Variants in AKNA observed in about 807,000 individuals in gnomAD.
The protein encoded by AKNA is AT-hook transcription factor, also known as microtubule organization protein AKNA.
AKNA carries 67 observed loss-of-function variants against 138.8 expected under a neutral mutation model. The observed-to-expected ratio is 0.48, with a 90% CI of 0.40 to 0.59. AKNA has a LOEUF of 0.59. Among genes scored for constraint, AKNA ranks in the 20% least tolerant of loss-of-function variants. The pLI, the probability that AKNA is intolerant of heterozygous loss-of-function variation, is 0.00. For synonymous variants in AKNA, 737 were observed against 754.4 expected, an observed-to-expected ratio of 0.98 and a Z score of 0.38; for missense variants, 1,813 against 1,880.4, an observed-to-expected ratio of 0.96 and a Z score of 0.66.
Position 114,381,137 on chromosome 9 carries a change from A to G in AKNA, c.197T>C (p.Leu66Pro). ...GTGTGGGTCCCACTCCAGGGGCGGC[A>G]GGTGCTGCTGGGCCAGGCGGAAGTC... ...LEDFRLAQQH[L>P]PPLEWDPHPQ... Residue 66 changes from leucine (L) to proline (P), a missense_variant, in exon 2 of 22, where the codon CTG becomes CCG. Physicochemically the swap from Leu to Pro is moderately conservative, Grantham distance 98. Coordinates refer to ENST00000374088, the MANE Select transcript of AKNA (RefSeq NM_001317950.2). 2 of 1,613,198 alleles carry G rather than the reference A, an allele frequency of 1.2e-6. No homozygotes were observed. Among genetic ancestry groups the G allele is most frequent in the Non-Finnish European group, 1.7e-6 (2 of 1,179,810 alleles).
At chr9:114,383,169 G>T (rs1486795493) in intron 1 of AKNA, 2 of 455,940 alleles carry the variant, frequency 4.4e-6, no homozygotes, top group Non-Finnish European at 8.8e-6. Flanking sequence ...GCTGCTCTGG[G>T]AGAATGAACC....
chr9:114,336,813 G>T lies in AKNA; in HGVS notation c.*241C>A. 1 of 438,016 alleles carries T rather than the reference G, an allele frequency of 2.3e-6. No individual in the cohort carries two copies. Among genetic ancestry groups the T allele is most frequent in the South Asian group, 8.0e-5 (1 of 12,424 alleles). The allele number at this position is 438,016 out of a possible 1,614,324, so 27.1% of individuals were successfully genotyped here. The stretch of plus-strand genomic sequence containing the variant: ...TTCTGCCTGGACCGAAGGAGGCCTC[G>T]CTCACAGCACCTCTGTGAGGGGACT... On this transcript the variant is annotated 3_prime_UTR_variant, in exon 22 of 22. Coordinates refer to ENST00000374088, the MANE Select transcript of AKNA (RefSeq NM_001317950.2).
At chr9:114,382,887 GT>G (rs1332590392) in intron 1 of AKNA, among the ~76,000 whole-genome samples, 3 of 152,132 alleles carry the variant, frequency 2.0e-5, no homozygotes, top group Non-Finnish European at 4.4e-5. Context: ...TGATGAAAAT[GT>G]TTTGCAACTA....
rs563111056 is a variant in AKNA, at chr9:114,336,776, G to C, written c.*278C>G. On this transcript the variant is annotated 3_prime_UTR_variant, in exon 22 of 22. Transcript: ENST00000374088. ...GTTGCACACATGCAGGACCAGGAGA[G>C]ACTGCCTGAGGTTCTGCCTGGACCG... 1 of 401,154 alleles carries C rather than the reference G, an allele frequency of 2.5e-6. No homozygotes were observed. The highest frequency in any genetic ancestry group is 3.6e-5 in the East Asian group (1 of 27,816). The allele number at this position is 401,154 out of a possible 1,614,324, so 24.8% of individuals were successfully genotyped here. A position where few individuals can be genotyped will look rare whatever the true frequency, so the allele number is the denominator to read the frequency against.
intron 1 of AKNA, among the ~76,000 whole-genome samples, chr9:114,382,293 T>A (rs888735316): frequency 3.9e-5 from 6 of 151,948 alleles, no homozygotes; most frequent in Non-Finnish European, 8.8e-5. Flanking sequence ...GGGAGGATGA[T>A]GAAAAAAGCA....
At chr9:114,344,818 T>C (rs1830573950) in intron 18 of AKNA, 1 of 158,316 alleles carries the variant, frequency 6.3e-6, no homozygotes, top group Non-Finnish European at 1.4e-5. Flanking sequence ...AGAGAGATTG[T>C]CCGGTGAGCT....
chr9:114,396,407 G>A (rs766856335), upstream of AKNA, among the ~76,000 whole-genome samples: 2 of 152,116 alleles, frequency 1.3e-5, no homozygotes, highest in African/African-American at 2.4e-5. Flanking sequence ...GTAGATGGGC[G>A]CGGTGGCTCA....
At chr9:114,381,585 T>TCCTGTCAGCATC in intron 1 of AKNA, 139 bp from the exon 2 acceptor site, 1 of 752,974 alleles carries the variant, frequency 1.3e-6, no homozygotes, top group Non-Finnish European at 1.8e-6. Context: ...TGTGTCACCT[T>TCCTGTCAGCATC]GGGCAAGTCA....
At position 114,356,876 on chromosome 9, in the gene AKNA, G is replaced by A; in HGVS notation, c.2833C>T (p.Leu945Phe). 2 of 1,553,716 alleles carry A rather than the reference G, an allele frequency of 1.3e-6. No homozygotes were observed. Among genetic ancestry groups the A allele is most frequent in the Non-Finnish European group, 8.6e-7 (1 of 1,157,798 alleles). Residue 945 changes from leucine (L) to phenylalanine (F), a missense_variant, in exon 13 of 22, where the codon CTC becomes TTC. Transcript: ENST00000374088. ...SPLTQTPEHR[L>F]SHISTAGTLA... ...ATCCCGGGATACCTGATGTGGGAGA[G>A]CCGGTGCTCTGGAGTCTGGGTGAGG...
intron 14 of AKNA, among the ~76,000 whole-genome samples, chr9:114,353,707 T>C (rs1232767970): frequency 6.6e-6 from 1 of 152,250 alleles, no homozygotes; most frequent in East Asian, 1.9e-4. Context: ...GAATAGCCCA[T>C]TATTGTAGGC....
chr9:114,360,175 G>T, intron 9 of AKNA, 113 bp from the exon 10 acceptor site: 2 of 1,297,310 alleles, frequency 1.5e-6, no homozygotes, highest in Non-Finnish European at 2.2e-6. Flanking sequence ...AAGCACATTA[G>T]ACTCACTAAG....
chr9:114,381,068 G>A lies in AKNA; in HGVS notation c.266C>T (p.Ser89Leu), dbSNP rs1833628459. 8 of 1,568,380 alleles carry A rather than the reference G, an allele frequency of 5.1e-6. No homozygotes were observed. The South Asian group carries it at 7.1e-5, about 14-fold the overall frequency. Reference protein sequence around the residue: ...GHQDSESGETSGEEAEAEDVD... With the variant: ...GHQDSESGETLGEEAEAEDVD... ...AGGGGTGTCAGTCTCACCTTCTCCC[G>A]AAGTCTCTCCTGACTCGGAATCCTG... The change falls in exon 2 of 22, where the codon TCG becomes TTG. Residue 89 changes from serine to leucine, a missense_variant. Coordinates refer to ENST00000374088, the MANE Select transcript of AKNA (RefSeq NM_001317950.2).
intron 14 of AKNA, among the ~76,000 whole-genome samples, chr9:114,353,261 G>GTT (rs111256721): frequency 5.9e-4 from 87 of 147,564 alleles, no homozygotes; most frequent in East Asian, 7.9e-4. Context: ...CTTATTTTTT[G>GTT]TTTTTTTTTT....
Position 114,346,010 on chromosome 9 carries a change from C to A in AKNA, c.3515-1G>T. 6.2e-7 allele frequency: 1 copy of A among 1,610,670 alleles called. No individual in the cohort carries two copies. Among genetic ancestry groups the A allele is most frequent in the African/African-American group, 1.3e-5 (1 of 74,878 alleles). ...AGGGAGGGCAGCTCAGATTCTGAAC[C>A]TGGGGTAGAAAAAGTGGGGCATCAG... On this transcript the variant is annotated splice_acceptor_variant, in intron 17 of 21. Coordinates refer to ENST00000374088, the MANE Select transcript of AKNA (RefSeq NM_001317950.2). LOFTEE classifies it high-confidence loss of function.
At chr9:114,349,005 AGT>A in intron 15 of AKNA, 1 of 455,656 alleles carries the variant, frequency 2.2e-6, no homozygotes, top group Middle Eastern at 3.3e-4. Context: ...CCCAGCGCTG[AGT>A]GTGTGTGTCT....
intron 13 of AKNA, 46 bp from the exon 14 acceptor site, chr9:114,356,182 A>G: frequency 6.4e-7 from 1 of 1,560,248 alleles, no homozygotes; most frequent in Non-Finnish European, 8.7e-7. Context: ...ACACAGAGTG[A>G]GACACTCAGG....
At chr9:114,383,328 C>T (rs758046327) in intron 1 of AKNA, among the ~76,000 whole-genome samples, 2 of 152,200 alleles carry the variant, frequency 1.3e-5, no homozygotes, top group East Asian at 1.9e-4. Context: ...TTCCTTCTGA[C>T]GCTCCTGCTA....
At chr9:114,342,808 C>G (rs1338261972) in intron 19 of AKNA, among the ~76,000 whole-genome samples, 1 of 150,128 alleles carries the variant, frequency 6.7e-6, no homozygotes, top group Non-Finnish European at 1.5e-5. Context: ...GGCCACTCTG[C>G]TTTGTTGTGT....
chr9:114,384,443 G>A (rs2132114226), intron 1 of AKNA, among the ~76,000 whole-genome samples: 1 of 152,160 alleles, frequency 6.6e-6, no homozygotes, highest in Admixed American at 6.5e-5. Flanking sequence ...ATATACAGGT[G>A]ACCCTTAATG....
Sources: gnomAD v4.1 joint callset for allele counts (sites outside exome capture counted in the v4.1 genomes callset) on GRCh38, gnomAD v4.1.1 for gene constraint, MANE v1.5 for transcripts, NCBI Gene and HGNC (gene_info 2026-07-23, HGNC 2026-07-21) for gene names.